THEMIS: variants seen among roughly 807,000 people sequenced by gnomAD.
The protein encoded by THEMIS is protein THEMIS.
A neutral mutation model predicts 52.6 loss-of-function variants in THEMIS; 37 were observed. That is an observed-to-expected ratio of 0.70 (90% CI 0.54 to 0.93). The LOEUF is 0.93. THEMIS is among the 40% of genes least tolerant of loss of function. The pLI is 0.00. For missense variants in THEMIS, 808 were observed against 763.1 expected, an observed-to-expected ratio of 1.06 and a Z score of -0.69; for synonymous variants, 292 against 272.7, an observed-to-expected ratio of 1.07 and a Z score of -0.70.
intron 4 of THEMIS, among the ~76,000 whole-genome samples, chr6:127,735,242 T>C (rs1052088686): frequency 3.3e-5 from 5 of 151,918 alleles, no homozygotes; most frequent in African/African-American, 1.2e-4. Context: ...ATGCGGGGCG[T>C]CTAACCTTTG....
intron 1 of THEMIS, among the ~76,000 whole-genome samples, chr6:127,861,320 A>G (rs551229131): frequency 1.3e-5 from 2 of 152,318 alleles, no homozygotes; most frequent in African/African-American, 2.4e-5. Context: ...TTTCCATTTA[A>G]TGAATACAAA....
At chr6:127,774,147 C>T (rs1283176134) in intron 4 of THEMIS, among the ~76,000 whole-genome samples, 1 of 152,224 alleles carries the variant, frequency 6.6e-6, no homozygotes, top group East Asian at 1.9e-4. Flanking sequence ...TACATGGCAG[C>T]GTGGAGCTAT....
At chr6:127,746,062 A>G (rs1370388011) in intron 4 of THEMIS, among the ~76,000 whole-genome samples, 1 of 151,822 alleles carries the variant, frequency 6.6e-6, no homozygotes, top group Non-Finnish European at 1.5e-5. Flanking sequence ...CATTGAAACT[A>G]TTTGTTTCCA....
downstream of THEMIS, among the ~76,000 whole-genome samples, chr6:127,703,179 C>T (rs1467380734): frequency 6.0e-5 from 9 of 149,230 alleles, no homozygotes; most frequent in Non-Finnish European, 1.3e-4. Context: ...TCTCGAGTAG[C>T]TGGGACTACA....
intron 4 of THEMIS, among the ~76,000 whole-genome samples, chr6:127,755,789 T>G (rs1477364352): frequency 3.3e-5 from 5 of 152,052 alleles, no homozygotes; most frequent in Non-Finnish European, 5.9e-5. Flanking sequence ...CACCAGCACT[T>G]TGGGAGGCGG....
intron 4 of THEMIS, among the ~76,000 whole-genome samples, chr6:127,744,931 G>T (rs758484054): frequency 6.6e-6 from 1 of 151,766 alleles, no homozygotes; most frequent in Non-Finnish European, 1.5e-5. Flanking sequence ...AGATATAATT[G>T]TAATATCAAG....
At chr6:127,704,730 T>C (rs1211020573), downstream of THEMIS, among the ~76,000 whole-genome samples, 2 of 152,146 alleles carry the variant, frequency 1.3e-5, no homozygotes, top group Non-Finnish European at 1.5e-5. Flanking sequence ...GTGGAGCAGG[T>C]CCAGATGATA....
chr6:127,908,808 C>CT (rs199709486), intron 1 of THEMIS, among the ~76,000 whole-genome samples: 2,697 of 150,820 alleles, frequency 0.018, 88 homozygotes, highest in African/African-American at 0.061. Context: ...TCTCTTTTCT[C>CT]TTTTTTTTTC....
chr6:127,846,104 G>A (rs887683615), intron 2 of THEMIS, among the ~76,000 whole-genome samples: 2 of 151,964 alleles, frequency 1.3e-5, no homozygotes, highest in African/African-American at 4.8e-5. Context: ...GTAAATCTCT[G>A]TTCAGACATC....
intron 1 of THEMIS, among the ~76,000 whole-genome samples, chr6:127,917,066 G>A (rs1781542053): frequency 6.6e-6 from 1 of 152,192 alleles, no homozygotes; most frequent in African/African-American, 2.4e-5. Flanking sequence ...CTAGAAAAAG[G>A]GAATGGAGAA....
chr6:127,827,770 T>C lies in THEMIS; in HGVS notation c.709+1706A>G, dbSNP rs533648414. 2.6e-5 allele frequency among the ~76,000 whole-genome samples: 4 copies of C among 152,296 alleles called. No individual in the cohort carries two copies. The South Asian group carries it at 8.3e-4, about 32-fold the overall frequency. Reference sequence around the variant, plus strand: ...CTGTCTTTCCCATTGATGTCTCTACTGTATAAATTTCCTGTACCCTGGCAC... The same window carrying C: ...CTGTCTTTCCCATTGATGTCTCTACCGTATAAATTTCCTGTACCCTGGCAC... On this transcript the variant is annotated intron_variant, in intron 3 of 5. Transcript: ENST00000368248.
chr6:127,793,162 T>C (rs889721919), intron 4 of THEMIS, among the ~76,000 whole-genome samples: 11 of 152,154 alleles, frequency 7.2e-5, no homozygotes, highest in Non-Finnish European at 1.5e-4. Context: ...ATCAAAAGCA[T>C]TGTGTGATCC....
chr6:127,746,813 T>A (rs1437775378), intron 4 of THEMIS, among the ~76,000 whole-genome samples: 1 of 39,442 alleles, frequency 2.5e-5, no homozygotes, highest in Non-Finnish European at 3.9e-5. Context: ...ATATTATATA[T>A]AATTATATAT....
At chr6:127,822,033 C>G (rs4897232) in intron 3 of THEMIS, among the ~76,000 whole-genome samples, 1 of 151,616 alleles carries the variant, frequency 6.6e-6, no homozygotes, top group East Asian at 1.9e-4. Flanking sequence ...TAATAATAAT[C>G]TCTATATTTG....
At chr6:127,768,502 G>A (rs1776271595) in intron 4 of THEMIS, among the ~76,000 whole-genome samples, 2 of 152,162 alleles carry the variant, frequency 1.3e-5, no homozygotes, top group Non-Finnish European at 2.9e-5. Flanking sequence ...ATAGAATAGA[G>A]ATGCTAATCA....
intron 4 of THEMIS, among the ~76,000 whole-genome samples, chr6:127,774,548 C>T (rs1412295590): frequency 4.6e-5 from 7 of 152,144 alleles, no homozygotes; most frequent in Admixed American, 1.3e-4. Context: ...GAAACTGGCC[C>T]AGAAACACTT....
At chr6:127,810,276 C>A (rs966142031) in intron 4 of THEMIS, among the ~76,000 whole-genome samples, 1 of 152,076 alleles carries the variant, frequency 6.6e-6, no homozygotes, top group Non-Finnish European at 1.5e-5. Context: ...TCTTCACATC[C>A]TGCAATTCTG....
At chr6:127,766,939 A>G (rs893816415) in intron 4 of THEMIS, among the ~76,000 whole-genome samples, 1 of 152,168 alleles carries the variant, frequency 6.6e-6, no homozygotes, top group Non-Finnish European at 1.5e-5. Flanking sequence ...GGCTACATTC[A>G]GTGTATTAAA....
chr6:127,798,717 G>T (rs554851852), intron 4 of THEMIS, among the ~76,000 whole-genome samples: 1 of 152,118 alleles, frequency 6.6e-6, no homozygotes, highest in East Asian at 1.9e-4. Flanking sequence ...ACGGCCGGGC[G>T]CGGTGGCTCA....
Sources: gnomAD v4.1 joint callset for allele counts (sites outside exome capture counted in the v4.1 genomes callset) on GRCh38, gnomAD v4.1.1 for gene constraint, MANE v1.5 for transcripts, NCBI Gene and HGNC (gene_info 2026-07-23, HGNC 2026-07-21) for gene names.